Variants in DGKI observed in about 807,000 individuals in gnomAD.
DGKI encodes diacylglycerol kinase iota.
Under a neutral mutation model 147.5 loss-of-function variants are expected in DGKI, and 55 were observed. That is an observed-to-expected ratio of 0.37 (90% CI 0.30 to 0.47). The LOEUF is 0.47. Ranked by LOEUF, DGKI falls within the 20% of genes least tolerant of loss-of-function variation. The pLI, the probability that DGKI is intolerant of heterozygous loss-of-function variation, is 1.00. For synonymous variants in DGKI, 469 were observed against 477.1 expected (o/e 0.98, Z 0.22); for missense variants, 1,007 against 1,323.8 (o/e 0.76, Z 3.71).
intron 20 of DGKI, among the ~76,000 whole-genome samples, chr7:137,538,252 T>G (rs1280943353): frequency 6.6e-6 from 1 of 152,174 alleles, no homozygotes; most frequent in Non-Finnish European, 1.5e-5. Flanking sequence ...AAACTCAACC[T>G]AAAACAGAAC....
chr7:137,641,303 C>T (rs531704802), intron 6 of DGKI, among the ~76,000 whole-genome samples: 11 of 152,016 alleles, frequency 7.2e-5, no homozygotes, highest in East Asian at 3.9e-4. Flanking sequence ...ATAAACAGCA[C>T]GAAAACAGCC....
At chr7:137,469,102 C>G (rs1489858561) in intron 24 of DGKI, among the ~76,000 whole-genome samples, 1 of 152,188 alleles carries the variant, frequency 6.6e-6, no homozygotes, top group African/African-American at 2.4e-5. Flanking sequence ...TTGAATGCAA[C>G]TGAATTTTTC....
At chr7:137,618,772 G>A (rs1257817499) in intron 8 of DGKI, among the ~76,000 whole-genome samples, 1 of 151,994 alleles carries the variant, frequency 6.6e-6, no homozygotes, top group Non-Finnish European at 1.5e-5. Context: ...TTGGCATTTG[G>A]TTCTAAAATA....
intron 31 of DGKI, among the ~76,000 whole-genome samples, chr7:137,396,614 C>T (rs946749161): frequency 1.3e-5 from 2 of 152,144 alleles, no homozygotes; most frequent in Non-Finnish European, 2.9e-5. Context: ...AGCTCTACTG[C>T]TTCTCTTCGT....
At chr7:137,400,624 G>C (rs1320408733) in intron 30 of DGKI, among the ~76,000 whole-genome samples, 1 of 152,170 alleles carries the variant, frequency 6.6e-6, no homozygotes, top group Non-Finnish European at 1.5e-5. Flanking sequence ...CAGTCTGTGA[G>C]TCAGGCATGC....
At chr7:137,552,228 T>C in intron 20 of DGKI, 141 bp downstream of exon 20, 1 of 760,978 alleles carries the variant, frequency 1.3e-6, no homozygotes, top group South Asian at 1.8e-5. Context: ...TGTGTTCCTA[T>C]GAGAGAAACC....
At chr7:137,605,891 G>A (rs1451970522) in intron 10 of DGKI, among the ~76,000 whole-genome samples, 1 of 152,178 alleles carries the variant, frequency 6.6e-6, no homozygotes, top group African/African-American at 2.4e-5. Context: ...AGGTTCTAGT[G>A]TTTGCACAGT....
intron 21 of DGKI, chr7:137,513,753 G>C (rs1816657313): frequency 2.0e-6 from 1 of 496,310 alleles, no homozygotes; most frequent in Admixed American, 2.4e-5. Flanking sequence ...TAACACAATG[G>C]CATTTGGGTA....
intron 12 of DGKI, among the ~76,000 whole-genome samples, chr7:137,595,242 G>A (rs1319621063): frequency 6.6e-6 from 1 of 152,226 alleles, no homozygotes; most frequent in Non-Finnish European, 1.5e-5. Flanking sequence ...TACATGTCAG[G>A]AGGCTGACAA....
chr7:137,846,161 T>TCTCTCTCTCA lies in DGKI; in HGVS notation c.401+300_401+301insTGAGAGAGAG, dbSNP rs781580130. ...CTCTCTCTCTCTCTCTCTCTCTCTCTCACACACACACACACACACACACAC... is the reference window on the plus strand; with the variant it reads ...CTCTCTCTCTCTCTCTCTCTCTCTCTCTCTCTCTCACACACACACACACACACACACACAC... On this transcript the variant is annotated intron_variant, in intron 1 of 32. Transcript: ENST00000614521. This position sits in a 1 kb window ranked among gnomAD's most constrained non-coding sequence, Gnocchi z 4.0. Among the ~76,000 whole-genome samples the TCTCTCTCTCA allele has an allele frequency of 0.018, 1,993 of 108,110 alleles. 24 individuals are homozygous for TCTCTCTCTCA. Among genetic ancestry groups the TCTCTCTCTCA allele is most frequent in the East Asian group, 0.035 (126 of 3,556 alleles). 70.9% of individuals were successfully genotyped at this position (108,110 alleles called of 152,430 possible).
At chr7:137,485,185 T>C (rs952868716) in intron 23 of DGKI, among the ~76,000 whole-genome samples, 189 bp downstream of exon 23, 8 of 152,068 alleles carry the variant, frequency 5.3e-5, no homozygotes, top group African/African-American at 1.4e-4. Context: ...CAGTCTAAAT[T>C]TGTGCTAGAC....
chr7:137,419,980 T>C (rs889415353), intron 28 of DGKI, among the ~76,000 whole-genome samples: 1 of 152,236 alleles, frequency 6.6e-6, no homozygotes, highest in Admixed American at 6.5e-5. Flanking sequence ...AAATCTGCAT[T>C]TGGGGCAGCG....
chr7:137,503,501 T>C (rs1480195023), intron 21 of DGKI, among the ~76,000 whole-genome samples: 2 of 152,140 alleles, frequency 1.3e-5, no homozygotes, highest in African/African-American at 4.8e-5. Context: ...TATTCAAAGG[T>C]GTTTCCCAAG....
At chr7:137,581,404 A>G (rs1819187580) in intron 15 of DGKI, among the ~76,000 whole-genome samples, 1 of 152,080 alleles carries the variant, frequency 6.6e-6, no homozygotes, top group African/African-American at 2.4e-5. Context: ...CAGAGGGGAC[A>G]TTTTTGTTTT....
chr7:137,669,338 G>A (rs920874515), intron 3 of DGKI, among the ~76,000 whole-genome samples: 15 of 152,292 alleles, frequency 9.8e-5, no homozygotes, highest in Middle Eastern at 3.4e-3. Flanking sequence ...TGGAGTAACC[G>A]ATAATGCAAA....
At chr7:137,820,769 C>A (rs1006188270) in intron 1 of DGKI, among the ~76,000 whole-genome samples, 20 of 152,064 alleles carry the variant, frequency 1.3e-4, no homozygotes, top group African/African-American at 4.6e-4. Context: ...GAAAAGGCAG[C>A]CAAGAAATTA....
chr7:137,480,852 G>A (rs1005198381), intron 23 of DGKI, among the ~76,000 whole-genome samples: 2 of 152,008 alleles, frequency 1.3e-5, no homozygotes, highest in Non-Finnish European at 2.9e-5. Context: ...TGGGGAAATG[G>A]GGAAACCCAG....
At chr7:137,542,854 A>C (rs1817747237) in intron 20 of DGKI, among the ~76,000 whole-genome samples, 1 of 152,232 alleles carries the variant, frequency 6.6e-6, no homozygotes, top group Non-Finnish European at 1.5e-5. Flanking sequence ...TGCTTGTCAC[A>C]TGGCTTCGTA....
At chr7:137,625,013 A>G (rs961025013) in intron 6 of DGKI, among the ~76,000 whole-genome samples, 1 of 152,124 alleles carries the variant, frequency 6.6e-6, no homozygotes, top group African/African-American at 2.4e-5. Context: ...TTTTGCTCCA[A>G]CCTGAACTAC....
Sources: gnomAD v4.1 joint callset for allele counts (sites outside exome capture counted in the v4.1 genomes callset) on GRCh38, gnomAD v4.1.1 for gene constraint, Gnocchi (gnomAD v3.1) non-coding constraint, MANE v1.5 for transcripts, NCBI Gene and HGNC (gene_info 2026-07-23, HGNC 2026-07-21) for gene names.